The following CSMD1 variants were observed in gnomAD, a reference collection of about 807,000 sequenced individuals.
CSMD1 encodes the protein CUB and sushi domain-containing protein 1.
In CSMD1, 213 loss-of-function variants were observed where a neutral mutation model predicts 417.5. The ratio of observed to expected loss-of-function variants is 0.51; its 90% CI spans 0.46 to 0.57. The LOEUF is 0.57. Among genes scored for constraint, CSMD1 ranks in the 20% least tolerant of loss-of-function variants. CSMD1 has a pLI of 0.00. For missense variants in CSMD1, 6,923 were observed against 4,529.7 expected, an observed-to-expected ratio of 1.53 and a Z score of -15.17; for synonymous variants, 2,862 against 1,736.8, an observed-to-expected ratio of 1.65 and a Z score of -16.11.
intron 3 of CSMD1, among the ~76,000 whole-genome samples, chr8:4,262,708 G>C (rs1803972360): frequency 1.3e-5 from 2 of 152,048 alleles, no homozygotes; most frequent in African/African-American, 4.8e-5. Context: ...TTATCACTCA[G>C]GTCCCAAAAT....
intron 3 of CSMD1, among the ~76,000 whole-genome samples, chr8:4,292,852 A>C (rs1469735570): frequency 6.6e-6 from 1 of 152,174 alleles, no homozygotes; most frequent in Non-Finnish European, 1.5e-5. Flanking sequence ...ATAGAGATGG[A>C]ATATTTAATG....
chr8:3,307,404 C>G (rs546057465), intron 25 of CSMD1, among the ~76,000 whole-genome samples: 70 of 90,004 alleles, frequency 7.8e-4, no homozygotes, highest in Non-Finnish European at 1.3e-3. Context: ...AGGCAACCCA[C>G]GAAGTCATGA....
At chr8:3,536,115 A>G (rs1003475128) in intron 10 of CSMD1, among the ~76,000 whole-genome samples, 2 of 152,228 alleles carry the variant, frequency 1.3e-5, no homozygotes, top group Non-Finnish European at 2.9e-5. Context: ...CATTGTTTTT[A>G]TGATACCAAG....
intron 2 of CSMD1, among the ~76,000 whole-genome samples, chr8:4,450,147 C>A (rs1471203161): frequency 1.3e-5 from 2 of 152,122 alleles, no homozygotes; most frequent in Non-Finnish European, 2.9e-5. Context: ...CAAATTACAA[C>A]CCCAAAATGG....
intron 10 of CSMD1, among the ~76,000 whole-genome samples, chr8:3,503,357 A>G (rs1223017172): frequency 6.6e-6 from 1 of 152,248 alleles, no homozygotes; most frequent in Non-Finnish European, 1.5e-5. Flanking sequence ...TTCAAATGTA[A>G]CTATATGACT....
intron 5 of CSMD1, among the ~76,000 whole-genome samples, chr8:3,793,119 A>T (rs1355793864): frequency 2.0e-5 from 3 of 152,198 alleles, no homozygotes; most frequent in African/African-American, 7.2e-5. Context: ...GAGGATACCC[A>T]CAAGAGTGGA....
intron 2 of CSMD1, among the ~76,000 whole-genome samples, chr8:4,427,488 TACACACACACAC>T (rs3056569): frequency 2.0e-5 from 3 of 149,756 alleles, no homozygotes; most frequent in Non-Finnish European, 3.0e-5. Context: ...CTTAATCAAA[TACACACACACAC>T]ACACACACAC....
chr8:3,327,292 A>C (rs1806596123), intron 23 of CSMD1, among the ~76,000 whole-genome samples: 1 of 151,882 alleles, frequency 6.6e-6, no homozygotes, highest in Admixed American at 6.6e-5. Flanking sequence ...ACAGGCACCC[A>C]CCACCACATC....
At chr8:4,460,306 C>T (rs1286253788) in intron 2 of CSMD1, among the ~76,000 whole-genome samples, 2 of 151,938 alleles carry the variant, frequency 1.3e-5, no homozygotes, top group African/African-American at 2.4e-5. Context: ...AGATCAAATA[C>T]ATCAAAATGT....
rs34200940 is a variant in CSMD1, at chr8:3,586,318, G to GAAA, written c.1098-61_1098-59dup. 4.9e-3 allele frequency: 5,993 copies of GAAA among 1,212,436 alleles called. 164 individuals carry two copies. The African/African-American group carries it at 0.085, about 17-fold the overall frequency. The allele number at this position is 1,212,436 out of a possible 1,614,324, so 75.1% of individuals were successfully genotyped here. A position where few individuals can be genotyped will look rare whatever the true frequency, so the allele number is the denominator to read the frequency against. ...AATTATTTACAGAAGACTTCTTTAG[G>GAAA]AAAAAAAAAAAAATCAGCAAAATGG... On this transcript the variant is annotated intron_variant, in intron 8 of 69. Coordinates refer to ENST00000635120, the MANE Select transcript of CSMD1 (RefSeq NM_033225.6).
intron 1 of CSMD1, among the ~76,000 whole-genome samples, chr8:4,669,310 G>A (rs1319089497): frequency 6.6e-6 from 1 of 152,100 alleles, no homozygotes; most frequent in African/African-American, 2.4e-5. Flanking sequence ...CTTACAAGAA[G>A]TTAGCTCTAC....
chr8:3,101,805 T>C (rs867546002), intron 46 of CSMD1, among the ~76,000 whole-genome samples: 305 of 138,182 alleles, frequency 2.2e-3, no homozygotes, highest in African/African-American at 6.4e-3. Flanking sequence ...TTTTCTTTTT[T>C]TTTTTTTTTT....
intron 3 of CSMD1, among the ~76,000 whole-genome samples, chr8:4,157,559 A>G (rs1413498029): frequency 1.3e-5 from 2 of 152,072 alleles, no homozygotes; most frequent in Admixed American, 6.6e-5. Context: ...CTGTGTTGTC[A>G]TTCCCCCGTA....
intron 1 of CSMD1, among the ~76,000 whole-genome samples, chr8:4,935,287 C>G (rs1472459632): frequency 6.6e-6 from 1 of 152,168 alleles, no homozygotes; most frequent in African/African-American, 2.4e-5. Flanking sequence ...GAAATTGTTC[C>G]CCATGACTGA....
At chr8:4,012,818 T>C (rs1796337223) in intron 4 of CSMD1, among the ~76,000 whole-genome samples, 1 of 152,160 alleles carries the variant, frequency 6.6e-6, no homozygotes, top group South Asian at 2.1e-4. Context: ...GGTAACTCCA[T>C]TCTTCCAGTG....
chr8:3,761,723 C>T (rs1370203652), intron 5 of CSMD1, among the ~76,000 whole-genome samples: 1 of 152,052 alleles, frequency 6.6e-6, no homozygotes, highest in Non-Finnish European at 1.5e-5. Flanking sequence ...CCAGGCTGGT[C>T]TCGAACTTCT....
At position 4,634,004 on chromosome 8, in the gene CSMD1, A is replaced by C. The variant is rs1203578828; in HGVS notation, c.302+3338T>G. Among the ~76,000 whole-genome samples, 3 of 151,962 alleles carry C rather than the reference A, an allele frequency of 2.0e-5. No individual in the cohort carries two copies. The East Asian group carries it at 5.8e-4, about 29-fold the overall frequency. ...ACCACCTGACAGGTCATTAAAAAAAAAAAAAACAATGAAGAGATGCTTTAA... is the reference window on the plus strand; with the variant it reads ...ACCACCTGACAGGTCATTAAAAAAACAAAAAACAATGAAGAGATGCTTTAA... On this transcript the variant is annotated intron_variant, in intron 2 of 69. Transcript: ENST00000635120.
At chr8:3,447,184 A>G (rs890335462) in intron 12 of CSMD1, among the ~76,000 whole-genome samples, 1 of 152,240 alleles carries the variant, frequency 6.6e-6, no homozygotes, top group African/African-American at 2.4e-5. Context: ...AAAGAACTCT[A>G]TGGCAAAGAA....
chr8:4,752,019 C>A (rs1402906081), intron 1 of CSMD1, among the ~76,000 whole-genome samples: 1 of 152,038 alleles, frequency 6.6e-6, no homozygotes, highest in South Asian at 2.1e-4. Flanking sequence ...TGATTAGTAT[C>A]TACATTAAAT....
Sources: allele counts gnomAD v4.1 joint callset (sites outside exome capture counted in the v4.1 genomes callset), GRCh38; gene constraint gnomAD v4.1.1; transcripts MANE v1.5; gene names NCBI Gene and HGNC (gene_info 2026-07-23, HGNC 2026-07-21).